The following EFR3B variants were observed in gnomAD, a reference collection of about 807,000 sequenced individuals.
EFR3B encodes the protein protein EFR3 homolog B.
EFR3B carries 64 observed loss-of-function variants against 104.7 expected under a neutral mutation model. The ratio of observed to expected loss-of-function variants is 0.61; its 90% CI spans 0.50 to 0.75. The LOEUF (loss-of-function observed/expected upper bound fraction) is 0.75. Among genes scored for constraint, EFR3B ranks in the 30% least tolerant of loss-of-function variants. The probability of loss-of-function intolerance (pLI) is 0.00; values close to 1 mark genes in which losing one functional copy is unlikely to be tolerated. For synonymous variants in EFR3B, 385 were observed against 417.9 expected (o/e 0.92, Z 0.96); for missense variants, 750 against 1,078.5 (o/e 0.70, Z 4.27).
chr2:25,065,082 G>T (rs866158317), intron 1 of EFR3B, among the ~76,000 whole-genome samples: 2 of 152,108 alleles, frequency 1.3e-5, no homozygotes, highest in African/African-American at 2.4e-5. Flanking sequence ...CACCTGGCGG[G>T]GGGGGCGGGG....
At chr2:25,080,902 C>T (rs972015522) in intron 1 of EFR3B, 21 of 786,470 alleles carry the variant, frequency 2.7e-5, no homozygotes, top group Non-Finnish European at 4.2e-5. Flanking sequence ...TTTTCTGCTG[C>T]GGAATCCACA....
In EFR3B at chr2:25,106,173, G is replaced by A. The variant is rs189477999; in HGVS notation, c.363+2386G>A. Among the ~76,000 whole-genome samples, 10 of 152,262 alleles carry A rather than the reference G, an allele frequency of 6.6e-5. No individual in the cohort carries two copies. In the East Asian group the frequency reaches 1.3e-3, roughly 21 times the overall value. ...ATGACATTATCTTAGAGTCTAGCCCGGGAGTTCCAAACAGGTCTTCACAGG... is the reference window on the plus strand; with the variant it reads ...ATGACATTATCTTAGAGTCTAGCCCAGGAGTTCCAAACAGGTCTTCACAGG... On this transcript the variant is annotated intron_variant, in intron 4 of 22. Transcript: ENST00000403714.
intron 1 of EFR3B, among the ~76,000 whole-genome samples, chr2:25,065,963 A>G (rs866915100): frequency 1.4e-4 from 21 of 152,228 alleles, no homozygotes; most frequent in African/African-American, 4.8e-4. Context: ...CCTGTGTTCC[A>G]CCCACCTCAT....
At chr2:25,087,980 A>G (rs1238582954) in intron 1 of EFR3B, among the ~76,000 whole-genome samples, 1 of 152,172 alleles carries the variant, frequency 6.6e-6, no homozygotes, top group Non-Finnish European at 1.5e-5. Flanking sequence ...TCCAGGGTGT[A>G]AGGGCTGTGT....
chr2:25,130,059 G>A lies in EFR3B; in HGVS notation c.720G>A (p.Leu240=). The part of the protein sequence containing the change: ...ELAERCLREL[L]GRAAFGNIKN... ...CTGAGAGGTGTCTTCGGGAGCTGCT[G>A]GGCCGGGCTGCCTTTGGCAACATCA... is the stretch of plus-strand genomic sequence containing the variant. The change falls in exon 7 of 23, where the codon CTG becomes CTA. Residue 240 remains leucine, a synonymous_variant. Transcript: ENST00000403714. This position sits in a 1 kb window ranked among gnomAD's most constrained non-coding sequence, Gnocchi z 4.6. 1 of 1,551,766 alleles carries A rather than the reference G, an allele frequency of 6.4e-7. No homozygotes were observed. The highest frequency in any genetic ancestry group is 8.7e-7 in the Non-Finnish European group (1 of 1,147,010).
In EFR3B at chr2:25,151,982, G is replaced by C. The variant is rs1671022967; in HGVS notation, c.2260G>C (p.Ala754Pro). 1 of 1,551,586 alleles carries C rather than the reference G, an allele frequency of 6.4e-7. No individual in the cohort carries two copies. Among genetic ancestry groups the C allele is most frequent in the South Asian group, 1.2e-5 (1 of 84,062 alleles). ...GCAGGTGGTGGAGAAGTTCCAGAAG[G>C]CACCCTTCGAGGAGATTGCTGCACA... ...RRQVVEKFQK[A>P]PFEEIAAHCG... The change falls in exon 21 of 23, where the codon GCA becomes CCA. Residue 754 changes from alanine to proline, a missense_variant. Physicochemically the swap from Ala to Pro is conservative, Grantham distance 27. Coordinates refer to ENST00000403714, the MANE Select transcript of EFR3B (RefSeq NM_014971.2).
In EFR3B at chr2:25,154,618, T is replaced by C; in HGVS notation, c.*278T>C. ...CAGGGGCAGAGAATCATGGGGTGTC[T>C]CTCAGGAGAAGCCGGGGGGAGGGGG... On this transcript the variant is annotated 3_prime_UTR_variant, in exon 23 of 23. Coordinates refer to ENST00000403714, the MANE Select transcript of EFR3B (RefSeq NM_014971.2). The surrounding 1 kb of genome is among the most constrained non-coding windows in gnomAD (Gnocchi z 4.1). 2.5e-6 allele frequency: 1 copy of C among 392,876 alleles called. No individual in the cohort carries two copies. 24.3% of individuals were successfully genotyped at this position (392,876 alleles called of 1,614,324 possible).
In EFR3B at chr2:25,137,016, G is replaced by C. The variant is rs989662650; in HGVS notation, c.1561-325G>C. Among the ~76,000 whole-genome samples, 2 of 152,134 alleles carry C rather than the reference G, an allele frequency of 1.3e-5. No individual in the cohort carries two copies. The highest frequency in any genetic ancestry group is 1.3e-4 in the Admixed American group (2 of 15,278). On this transcript the variant is annotated intron_variant, in intron 14 of 22. Transcript: ENST00000403714. This position sits in a 1 kb window ranked among gnomAD's most constrained non-coding sequence, Gnocchi z 4.7. The stretch of plus-strand genomic sequence containing the variant: ...CTCTGTAGCTACGTCTCCTCCCTCT[G>C]TGGCTATGTGTTAAGCTGACCTCTC...
chr2:25,077,649 T>C (rs1573185158), intron 1 of EFR3B, among the ~76,000 whole-genome samples: 2 of 152,246 alleles, frequency 1.3e-5, no homozygotes, highest in Admixed American at 1.3e-4. Flanking sequence ...GTTTTAACAC[T>C]ATCCTGTAGG....
rs1191131727 is a variant in EFR3B at position 25,079,933 on chromosome 2, G to A, written c.8-11392G>A. 10 of 1,395,842 alleles carry A rather than the reference G, an allele frequency of 7.2e-6. No individual in the cohort carries two copies. In the African/African-American group the frequency reaches 1.0e-4, roughly 14 times the overall value. The allele number at this position is 1,395,842 out of a possible 1,614,324, so 86.5% of individuals were successfully genotyped here. On this transcript the variant is annotated intron_variant, in intron 1 of 22. Coordinates refer to ENST00000403714, the MANE Select transcript of EFR3B (RefSeq NM_014971.2). Reference sequence around the variant, plus strand: ...GGCAACTGAAATTTCACATCCACATGTGCTTGCTTGGCTAAGTCCGCTGTT... The same window carrying A: ...GGCAACTGAAATTTCACATCCACATATGCTTGCTTGGCTAAGTCCGCTGTT...
intron 1 of EFR3B, chr2:25,080,283 C>CTTGTTTTTTT: frequency 6.5e-6 from 1 of 154,476 alleles, no homozygotes; most frequent in Non-Finnish European, 1.1e-5. Flanking sequence ...CTCCCCAAAG[C>CTTGTTTTTTT]TTTTTTTTTT....
At chr2:25,118,727 A>AAAG in intron 4 of EFR3B, among the ~76,000 whole-genome samples, 1 of 38,664 alleles carries the variant, frequency 2.6e-5, no homozygotes, top group Non-Finnish European at 4.6e-5. Context: ...CTGTCTCTAC[A>AAAG]AAAAAAAAAA....
Position 25,074,357 on chromosome 2 carries a change from G to A in EFR3B, c.8-16968G>A, listed in dbSNP as rs1055256883. ...GAGGCGGATGGATCACTTGAGGTCAGGAGTTCAAGACCACCCTGGCCAATA... is the reference window on the plus strand; with the variant it reads ...GAGGCGGATGGATCACTTGAGGTCAAGAGTTCAAGACCACCCTGGCCAATA... On this transcript the variant is annotated intron_variant, in intron 1 of 22. Transcript: ENST00000403714. 7.2e-5 allele frequency among the ~76,000 whole-genome samples: 11 copies of A among 152,248 alleles called. No individual in the cohort carries two copies. The East Asian group carries it at 2.1e-3, about 30-fold the overall frequency.
intron 4 of EFR3B, among the ~76,000 whole-genome samples, chr2:25,107,607 T>G (rs1036604509): frequency 2.0e-5 from 3 of 152,008 alleles, no homozygotes; most frequent in Non-Finnish European, 4.4e-5. Flanking sequence ...CCTTCCCTCC[T>G]TTCCTTCTTT....
At chr2:25,061,577 T>A (rs1398622497) in intron 1 of EFR3B, among the ~76,000 whole-genome samples, 1 of 151,778 alleles carries the variant, frequency 6.6e-6, no homozygotes, top group East Asian at 1.9e-4. Context: ...CACTGCAACC[T>A]CCACCTCCCA....
chr2:25,054,035 G>A (rs1419449892), intron 1 of EFR3B, among the ~76,000 whole-genome samples: 1 of 152,236 alleles, frequency 6.6e-6, no homozygotes, highest in Non-Finnish European at 1.5e-5. Context: ...CCAGTCCTGC[G>A]CAGATCCCTT....
chr2:25,084,861 C>G (rs1480065150), intron 1 of EFR3B, among the ~76,000 whole-genome samples: 1 of 152,192 alleles, frequency 6.6e-6, no homozygotes. Flanking sequence ...ATACATTTAT[C>G]TCAGTGAGCA....
chr2:25,113,992 A>T (rs1162615233), intron 4 of EFR3B, among the ~76,000 whole-genome samples: 3 of 152,126 alleles, frequency 2.0e-5, no homozygotes, highest in Admixed American at 6.5e-5. Flanking sequence ...CTGGCTCCAA[A>T]CCCCTTCTTG....
chr2:25,092,648 A>G (rs1489147170), intron 2 of EFR3B, among the ~76,000 whole-genome samples: 2 of 150,916 alleles, frequency 1.3e-5, no homozygotes, highest in East Asian at 4.0e-4. Context: ...CCCCGGGTTC[A>G]AGCAATTCTC....
Sources: allele counts gnomAD v4.1 joint callset (sites outside exome capture counted in the v4.1 genomes callset), GRCh38; gene constraint gnomAD v4.1.1; non-coding constraint Gnocchi (gnomAD v3.1); transcripts MANE v1.5; gene names NCBI Gene and HGNC (gene_info 2026-07-23, HGNC 2026-07-21).